Variants in UACA observed in about 807,000 individuals in gnomAD.
UACA encodes uveal autoantigen with coiled-coil domains and ankyrin repeats.
In UACA, 112 loss-of-function variants were observed where a neutral mutation model predicts 160.5. The observed-to-expected ratio is 0.70, with a 90% CI of 0.60 to 0.82. The LOEUF is 0.82. UACA is among the 40% of genes least tolerant of loss of function. The probability of loss-of-function intolerance (pLI) is 0.00; values close to 1 mark genes in which losing one functional copy is unlikely to be tolerated. For missense variants in UACA, 1,574 were observed against 1,614.6 expected, an observed-to-expected ratio of 0.97 and a Z score of 0.43; for synonymous variants, 557 against 568.4, an observed-to-expected ratio of 0.98 and a Z score of 0.29.
At chr15:70,736,393 AAT>A (rs1476887648) in intron 1 of UACA, among the ~76,000 whole-genome samples, 2 of 152,168 alleles carry the variant, frequency 1.3e-5, no homozygotes, top group Admixed American at 6.5e-5. Context: ...ATTGGGATAA[AAT>A]ATGTTATACT....
chr15:70,670,823 A>T (rs760536713), intron 15 of UACA, among the ~76,000 whole-genome samples: 2 of 152,200 alleles, frequency 1.3e-5, no homozygotes, highest in Non-Finnish European at 2.9e-5. Context: ...ATCTCTTATT[A>T]TAACCACTAT....
At chr15:70,658,507 T>C (rs954595008) in intron 18 of UACA, among the ~76,000 whole-genome samples, 1 of 152,224 alleles carries the variant, frequency 6.6e-6, no homozygotes, top group African/African-American at 2.4e-5. Context: ...TCTTGTGTAA[T>C]ATTGCCAGTC....
chr15:70,686,205 C>A (rs1897711129), intron 7 of UACA, among the ~76,000 whole-genome samples: 1 of 151,346 alleles, frequency 6.6e-6, no homozygotes, highest in Non-Finnish European at 1.5e-5. Flanking sequence ...CATGACACAG[C>A]CTCAGGAGGT....
At chr15:70,709,103 A>C (rs1898603590) in intron 1 of UACA, among the ~76,000 whole-genome samples, 2 of 152,222 alleles carry the variant, frequency 1.3e-5, no homozygotes, top group African/African-American at 2.4e-5. Flanking sequence ...AAGTATTAAC[A>C]TATCAACATA....
chr15:70,692,452 C>G (rs974947267), intron 3 of UACA, among the ~76,000 whole-genome samples: 1 of 152,140 alleles, frequency 6.6e-6, no homozygotes, highest in Non-Finnish European at 1.5e-5. Flanking sequence ...CATGAGACAT[C>G]ACACCTGGCC....
At chr15:70,710,078 G>A (rs749749601) in intron 1 of UACA, among the ~76,000 whole-genome samples, 18 of 152,006 alleles carry the variant, frequency 1.2e-4, no homozygotes, top group South Asian at 2.1e-4. Context: ...GCAACATGAC[G>A]AAACCCTCTC....
intron 1 of UACA, among the ~76,000 whole-genome samples, chr15:70,717,857 C>A (rs888264944): frequency 3.3e-5 from 5 of 151,984 alleles, no homozygotes; most frequent in African/African-American, 1.2e-4. Context: ...TGTAGATAGG[C>A]CTCAATCCCT....
intron 1 of UACA, among the ~76,000 whole-genome samples, chr15:70,718,404 G>GGGGATCAGCCATGT (rs1259707865): frequency 6.8e-6 from 1 of 147,728 alleles, no homozygotes; most frequent in Non-Finnish European, 1.5e-5. Context: ...TTATTGCTTT[G>GGGGATCAGCCATGT]GGGATCAGCC....
Position 70,664,661 on chromosome 15 carries a change from C to T in UACA, c.4113+1G>A, listed in dbSNP as rs377649125. The T allele has an allele frequency of 1.3e-5, 21 of 1,607,210 alleles. No individual in the cohort carries two copies. Among genetic ancestry groups the T allele is most frequent in the South Asian group, 2.2e-5 (2 of 90,012 alleles). On this transcript the variant is annotated splice_donor_variant, in intron 17 of 18. Coordinates refer to ENST00000322954, the MANE Select transcript of UACA (RefSeq NM_018003.4). LOFTEE classifies it high-confidence loss of function. ...AAAGCCCCGTGTGCCTGGTTACTCACGGCCAGCTGTTGCTCCAGAGATTTC... is the reference window on the plus strand; with the variant it reads ...AAAGCCCCGTGTGCCTGGTTACTCATGGCCAGCTGTTGCTCCAGAGATTTC...
chr15:70,774,545 C>CAAAAAAAAAAAAAAAAAAAAAAAAAAA, the UACA span, among the ~76,000 whole-genome samples: 37 of 82,372 alleles, frequency 4.5e-4, no homozygotes, highest in African/African-American at 1.3e-3. Context: ...GACTCTGTCT[C>CAAAAAAAAAAAAAAAAAAAAAAAAAAA]AAAAAAAAAA....
chr15:70,738,737 A>G (rs1375457741), intron 1 of UACA, among the ~76,000 whole-genome samples: 4 of 152,236 alleles, frequency 2.6e-5, no homozygotes, highest in African/African-American at 7.2e-5. Flanking sequence ...CATCCAAAAA[A>G]AAGTATTCTA....
At chr15:70,683,383 T>G (rs1433909285) in intron 8 of UACA, among the ~76,000 whole-genome samples, 7 of 151,770 alleles carry the variant, frequency 4.6e-5, no homozygotes, top group Admixed American at 4.6e-4. Context: ...GGAAGAAAAT[T>G]TAAAAAGCTC....
At chr15:70,770,036 G>T in the UACA span, among the ~76,000 whole-genome samples, 1 of 152,080 alleles carries the variant, frequency 6.6e-6, no homozygotes, top group Non-Finnish European at 1.5e-5. Context: ...ATTTTAAAAG[G>T]TTAATTTAAA....
In UACA at chr15:70,667,847, T is replaced by C; in HGVS notation, c.2837A>G (p.Asn946Ser). The C allele has an allele frequency of 6.2e-7, 1 of 1,614,058 alleles. No homozygotes were observed. Among genetic ancestry groups the C allele is most frequent in the Non-Finnish European group, 8.5e-7 (1 of 1,179,998 alleles). Reference sequence around the variant, plus strand: ...TCTGTAGTTGGCCAAGATTTCAGCATTACTATCCTGCACCTTTCTCATGCT... The same window carrying C: ...TCTGTAGTTGGCCAAGATTTCAGCACTACTATCCTGCACCTTTCTCATGCT... ...SQSMRKVQDS[N>S]AEILANYRKG... The change falls in exon 16 of 19, where the codon AAT (asparagine) becomes AGT (serine). Residue 946 changes from asparagine to serine, a missense_variant. Physicochemically the swap from Asn to Ser is conservative, Grantham distance 46. Transcript: ENST00000322954.
intron 3 of UACA, among the ~76,000 whole-genome samples, chr15:70,692,940 G>A (rs756077544): frequency 1.2e-4 from 18 of 152,108 alleles, no homozygotes; most frequent in Non-Finnish European, 2.5e-4. Context: ...AGTGAGTCCA[G>A]GTCTTTCAGG....
intron 17 of UACA, among the ~76,000 whole-genome samples, chr15:70,662,482 G>T (rs1192339589): frequency 6.6e-6 from 1 of 152,106 alleles, no homozygotes; most frequent in Non-Finnish European, 1.5e-5. Context: ...AGCTACCAAT[G>T]ACTTTCTTCA....
intron 1 of UACA, among the ~76,000 whole-genome samples, chr15:70,724,525 G>C (rs1442565311): frequency 1.3e-5 from 2 of 151,978 alleles, no homozygotes; most frequent in East Asian, 3.9e-4. Flanking sequence ...CTGAAAATGT[G>C]TCTGAAAATG....
intron 16 of UACA, 34 bp downstream of exon 16, chr15:70,666,690 C>T (rs1896917757): frequency 6.6e-7 from 1 of 1,516,468 alleles, no homozygotes; most frequent in African/African-American, 1.4e-5. Flanking sequence ...CTGGGGTTTC[C>T]AACACATAGC....
intron 3 of UACA, among the ~76,000 whole-genome samples, chr15:70,692,971 C>T (rs899811855): frequency 6.6e-6 from 1 of 152,108 alleles, no homozygotes; most frequent in Non-Finnish European, 1.5e-5. Flanking sequence ...AGTACAGATA[C>T]AATACATTCA....
Sources: allele counts gnomAD v4.1 joint callset (sites outside exome capture counted in the v4.1 genomes callset), GRCh38; gene constraint gnomAD v4.1.1; transcripts MANE v1.5; gene names NCBI Gene and HGNC (gene_info 2026-07-23, HGNC 2026-07-21).